Variants in WDR41 observed in about 807,000 individuals in gnomAD.
WDR41 encodes the protein WD repeat-containing protein 41.
Under a neutral mutation model 69.3 loss-of-function variants are expected in WDR41, and 63 were observed. The ratio of observed to expected loss-of-function variants is 0.91; its 90% confidence interval spans 0.74 to 1.12. The LOEUF is 1.12. Ranked by LOEUF, WDR41 falls within the 50% of genes most tolerant of loss-of-function variation. WDR41 has a pLI of 0.00. For missense variants in WDR41, 543 were observed against 534.5 expected, an observed-to-expected ratio of 1.02 and a Z score of -0.16; for synonymous variants, 185 against 192.1, an observed-to-expected ratio of 0.96 and a Z score of 0.31.
At chr5:77,529,543 A>G (rs1802496465) in intron 1 of WDR41, among the ~76,000 whole-genome samples, 1 of 151,602 alleles carries the variant, frequency 6.6e-6, no homozygotes, top group African/African-American at 2.4e-5. Context: ...TGAAAATGCA[A>G]AGTGCCAAGA....
At chr5:77,466,966 C>T (rs1179136735) in intron 2 of WDR41, among the ~76,000 whole-genome samples, 2 of 151,576 alleles carry the variant, frequency 1.3e-5, no homozygotes, top group Non-Finnish European at 3.0e-5. Context: ...TTACAATTAC[C>T]CATCCTATTA....
At chr5:77,475,168 G>A (rs901709701) in intron 2 of WDR41, among the ~76,000 whole-genome samples, 1 of 152,166 alleles carries the variant, frequency 6.6e-6, no homozygotes, top group East Asian at 1.9e-4. Context: ...AGGGTCCTAC[G>A]CCCACAGAGT....
At chr5:77,491,892 G>A (rs1205513170) in intron 1 of WDR41, 4 of 489,254 alleles carry the variant, frequency 8.2e-6, no homozygotes, top group Middle Eastern at 5.4e-4. Flanking sequence ...CTGACCAGCT[G>A]AGCGTCCCTG....
Position 77,492,295 on chromosome 5 carries a change from C to A in WDR41, c.-75G>T. On this transcript the variant is annotated 5_prime_UTR_variant, in exon 1 of 13. Transcript: ENST00000296679. Reference sequence around the variant, plus strand: ...CCGCCCCAGGCTCGGCCTCCTCCTTCCTCCCCGGCTGCAGCGCAACTGAGA... The same window carrying A: ...CCGCCCCAGGCTCGGCCTCCTCCTTACTCCCCGGCTGCAGCGCAACTGAGA... 6.3e-7 allele frequency: 1 copy of A among 1,588,330 alleles called. No homozygotes were observed. Among genetic ancestry groups the A allele is most frequent in the Non-Finnish European group, 8.6e-7 (1 of 1,166,430 alleles).
chr5:77,606,567 C>A (rs1469890587), intron 1 of WDR41, among the ~76,000 whole-genome samples: 1 of 151,930 alleles, frequency 6.6e-6, no homozygotes. Flanking sequence ...CTTTGAGAGG[C>A]CAAGGAGGGA....
intron 1 of WDR41, among the ~76,000 whole-genome samples, chr5:77,596,886 A>AG (rs1744237694): frequency 6.6e-6 from 1 of 151,854 alleles, no homozygotes; most frequent in Non-Finnish European, 1.5e-5. Context: ...AGGGAGGTTA[A>AG]GGGGGTGGAT....
intron 1 of WDR41, among the ~76,000 whole-genome samples, chr5:77,590,053 T>C (rs1218106148): frequency 6.6e-6 from 1 of 152,212 alleles, no homozygotes; most frequent in African/African-American, 2.4e-5. Context: ...CAATGCTTTT[T>C]TTCTTTGTTT....
intron 5 of WDR41, 23 bp from the exon 6 acceptor site, chr5:77,453,951 A>G (rs1430035593): frequency 1.4e-5 from 22 of 1,566,668 alleles, no homozygotes; most frequent in African/African-American, 2.7e-5. Context: ...TTTGAAATGT[A>G]TATCAGGTTA....
At chr5:77,576,795 C>T (rs1305019154) in intron 1 of WDR41, among the ~76,000 whole-genome samples, 2 of 152,138 alleles carry the variant, frequency 1.3e-5, no homozygotes, top group Non-Finnish European at 2.9e-5. Context: ...ACTCCCTGCT[C>T]GCTCCTATCA....
intron 1 of WDR41, among the ~76,000 whole-genome samples, chr5:77,516,007 AT>A (rs1177491267): frequency 5.3e-5 from 8 of 152,134 alleles, no homozygotes; most frequent in African/African-American, 1.9e-4. Flanking sequence ...TTCCCAATTT[AT>A]TTTACAACTG....
At chr5:77,581,879 C>T (rs1012950655) in intron 1 of WDR41, among the ~76,000 whole-genome samples, 2 of 151,972 alleles carry the variant, frequency 1.3e-5, no homozygotes, top group African/African-American at 2.4e-5. Context: ...GCTGCAAAAG[C>T]CCACATTAAA....
intron 1 of WDR41, among the ~76,000 whole-genome samples, chr5:77,515,606 T>A (rs138302061): frequency 1.1e-4 from 17 of 152,314 alleles, no homozygotes; most frequent in African/African-American, 3.8e-4. Flanking sequence ...ATATTATATA[T>A]GCTCTACTTT....
At chr5:77,493,309 G>A (rs562023168), upstream of WDR41, among the ~76,000 whole-genome samples, 40 of 152,250 alleles carry the variant, frequency 2.6e-4, no homozygotes, top group African/African-American at 9.6e-4. Context: ...AATCCTCCTA[G>A]CAGTAAATTG....
At chr5:77,510,125 A>C (rs954319477) in intron 1 of WDR41, among the ~76,000 whole-genome samples, 1 of 152,154 alleles carries the variant, frequency 6.6e-6, no homozygotes, top group African/African-American at 2.4e-5. Flanking sequence ...CAAAAGAAAG[A>C]GGTTTATTGG....
At chr5:77,563,321 T>C (rs1203824826) in intron 1 of WDR41, among the ~76,000 whole-genome samples, 1 of 152,110 alleles carries the variant, frequency 6.6e-6, no homozygotes, top group Non-Finnish European at 1.5e-5. Context: ...TGAATCTGCC[T>C]CCCACCAGCA....
At chr5:77,556,267 G>T (rs1743392570) in intron 1 of WDR41, among the ~76,000 whole-genome samples, 1 of 151,992 alleles carries the variant, frequency 6.6e-6, no homozygotes, top group African/African-American at 2.4e-5. Context: ...ACCACGCCCA[G>T]CTAATTTTTG....
At chr5:77,458,045 G>T (rs1342049390) in intron 5 of WDR41, among the ~76,000 whole-genome samples, 1 of 151,856 alleles carries the variant, frequency 6.6e-6, no homozygotes, top group Non-Finnish European at 1.5e-5. Flanking sequence ...TATTTTCATT[G>T]GAAACTTAAC....
At position 77,573,089 on chromosome 5, in the gene WDR41, A is replaced by G. The variant is rs563151993; in HGVS notation, c.42+47390T>C. The stretch of plus-strand genomic sequence containing the variant: ...ACAATTCAGACATGTCACTACCCTC[A>G]AAGAACTTACAAGGTTCCTTCCTCT... On this transcript the variant is annotated intron_variant, in intron 1 of 5. Transcript: ENST00000509971. Among the ~76,000 whole-genome samples the G allele has an allele frequency of 2.6e-5, 4 of 152,212 alleles. No homozygotes were observed. In the South Asian group the frequency reaches 8.3e-4, roughly 32 times the overall value.
intron 1 of WDR41, among the ~76,000 whole-genome samples, chr5:77,505,236 GACAA>G (rs1323564129): frequency 8.6e-5 from 13 of 151,472 alleles, no homozygotes; most frequent in South Asian, 6.2e-4. Flanking sequence ...ACCAATAACA[GACAA>G]ACAGAGAGCC....
Sources: allele counts gnomAD v4.1 joint callset (sites outside exome capture counted in the v4.1 genomes callset), GRCh38; gene constraint gnomAD v4.1.1; transcripts MANE v1.5; gene names NCBI Gene and HGNC (gene_info 2026-07-23, HGNC 2026-07-21).